The following KIAA1217 variants were observed in gnomAD, a reference collection of about 807,000 sequenced individuals.
KIAA1217 encodes the protein sickle tail protein homolog.
Under a neutral mutation model 163.9 loss-of-function variants are expected in KIAA1217, and 88 were observed. That is an observed-to-expected ratio of 0.54 (90% CI 0.45 to 0.64). The LOEUF (loss-of-function observed/expected upper bound fraction) is 0.64, where lower values mean the gene tolerates loss of function less well. KIAA1217 is among the 30% of genes least tolerant of loss of function. The pLI, the probability that KIAA1217 is intolerant of heterozygous loss-of-function variation, is 0.00. For missense variants in KIAA1217, 2,372 were observed against 2,475.0 expected (o/e 0.96, Z 0.88); for synonymous variants, 903 against 923.1 (o/e 0.98, Z 0.39).
intron 1 of KIAA1217, among the ~76,000 whole-genome samples, chr10:23,885,943 GTTAT>G (rs1303590435): frequency 6.6e-6 from 1 of 151,880 alleles, no homozygotes; most frequent in Admixed American, 6.6e-5. Flanking sequence ...TGTTTAGTGG[GTTAT>G]TTGTGGTGCC....
At chr10:23,822,244 T>G (rs1160596687) in intron 1 of KIAA1217, among the ~76,000 whole-genome samples, 1 of 152,200 alleles carries the variant, frequency 6.6e-6, no homozygotes, top group Non-Finnish European at 1.5e-5. Flanking sequence ...CAGTTTCTGT[T>G]TTCAACTCAT....
intron 1 of KIAA1217, among the ~76,000 whole-genome samples, chr10:24,210,737 C>T (rs192887820): frequency 2.9e-3 from 440 of 152,238 alleles, no homozygotes; most frequent in African/African-American, 0.01. Flanking sequence ...GCCAGACATC[C>T]AGTGGTGAAC....
At chr10:23,813,727 C>A (rs1055149115) in intron 1 of KIAA1217, among the ~76,000 whole-genome samples, 2 of 152,148 alleles carry the variant, frequency 1.3e-5, no homozygotes, top group Admixed American at 1.3e-4. Flanking sequence ...AAGTCTATCC[C>A]TAGAATGGGT....
rs554851345 is a variant in KIAA1217, at chr10:23,796,205, G to A, written c.-321+100971G>A. ...GTTAGGAAAGATGCCTAGAAAGCCA[G>A]GATGTCTGGGTTCTGAGAGTCTTGA... On this transcript the variant is annotated intron_variant, in intron 1 of 18. Coordinates refer to the KIAA1217 transcript ENST00000376462. Among the ~76,000 whole-genome samples, 291 of 152,274 alleles carry A rather than the reference G, an allele frequency of 1.9e-3. 2 individuals are homozygous for A. Among genetic ancestry groups the A allele is most frequent in the African/African-American group, 6.8e-3 (283 of 41,554 alleles).
At chr10:23,858,781 C>T (rs896552454) in intron 1 of KIAA1217, among the ~76,000 whole-genome samples, 2 of 152,084 alleles carry the variant, frequency 1.3e-5, no homozygotes, top group Non-Finnish European at 2.9e-5. Context: ...GGCGTGGTGC[C>T]CTTTCAAGTC....
At chr10:24,206,379 A>C (rs1005578466), upstream of KIAA1217, among the ~76,000 whole-genome samples, 2 of 152,230 alleles carry the variant, frequency 1.3e-5, no homozygotes, top group Non-Finnish European at 2.9e-5. Context: ...GAACATCTCC[A>C]CAGTAACAGC....
rs150743018 is a variant in KIAA1217 at position 24,291,316 on chromosome 10, G to A, written c.354+71407G>A. On this transcript the variant is annotated intron_variant, in intron 2 of 20. Transcript: ENST00000376454. Reference sequence around the variant, plus strand: ...GGCTGAGGCGGGCGGATCACCTGAGGTCAGGAATTCCAGACCAGCCTGGCC... The same window carrying A: ...GGCTGAGGCGGGCGGATCACCTGAGATCAGGAATTCCAGACCAGCCTGGCC... Among the ~76,000 whole-genome samples the A allele has an allele frequency of 2.2e-3, 342 of 152,270 alleles. 4 individuals carry two copies. Among genetic ancestry groups the A allele is most frequent in the African/African-American group, 8.0e-3 (333 of 41,562 alleles).
chr10:24,447,730 T>G (rs548145107), intron 5 of KIAA1217, among the ~76,000 whole-genome samples: 3 of 152,360 alleles, frequency 2.0e-5, no homozygotes, highest in African/African-American at 7.2e-5. Context: ...AGGTACGTGT[T>G]TGAGGCTTAT....
chr10:24,220,937 T>G (rs977805664), intron 2 of KIAA1217, among the ~76,000 whole-genome samples: 6 of 151,996 alleles, frequency 3.9e-5, no homozygotes, highest in Non-Finnish European at 8.8e-5. Context: ...TTTTTATTTT[T>G]GGTAGTAGAG....
chr10:24,323,958 T>G (rs2044523564), intron 2 of KIAA1217, among the ~76,000 whole-genome samples: 1 of 152,112 alleles, frequency 6.6e-6, no homozygotes, highest in African/African-American at 2.4e-5. Flanking sequence ...AATAAAATGT[T>G]ATAAAGTTAA....
In KIAA1217 at chr10:23,912,348, T is replaced by A. The variant is rs544448821; in HGVS notation, c.-320-94877T>A. 1.0e-4 allele frequency among the ~76,000 whole-genome samples: 6 copies of A among 58,956 alleles called. No homozygotes were observed. The South Asian group carries it at 1.2e-3, about 12-fold the overall frequency. 38.7% of individuals were successfully genotyped at this position (58,956 alleles called of 152,430 possible). ...CTCCATTTGTTTATTTTTTTAGAAC[T>A]TTTTTTTTTTGGTTTGGGGTTATAC... On this transcript the variant is annotated intron_variant, in intron 1 of 18. Coordinates refer to the KIAA1217 transcript ENST00000376462.
intron 2 of KIAA1217, among the ~76,000 whole-genome samples, chr10:24,184,819 T>C (rs567078624): frequency 5.9e-5 from 9 of 152,316 alleles, no homozygotes; most frequent in African/African-American, 2.2e-4. Flanking sequence ...TAGGTGGTCA[T>C]TCAAACCAGA....
chr10:24,212,109 A>AGGG lies in KIAA1217; in HGVS notation c.70+2847_70+2848insGGG, dbSNP rs2130691717. 5.7e-5 allele frequency among the ~76,000 whole-genome samples: 8 copies of AGGG among 141,274 alleles called. No individual in the cohort carries two copies. The South Asian group carries it at 1.7e-3, about 31-fold the overall frequency. The allele number at this position is 141,274 out of a possible 152,430, so 92.7% of individuals were successfully genotyped here. A position where few individuals can be genotyped will look rare whatever the true frequency, so the allele number is the denominator to read the frequency against. ...AAGAAAAAAGAAAAAAAAAGAAGAGAGAGGAGGGGAGGAGAGGAGAGGAAA... is the reference window on the plus strand; with the variant it reads ...AAGAAAAAAGAAAAAAAAAGAAGAGAGGGGAGGAGGGGAGGAGAGGAGAGGAAA... On this transcript the variant is annotated intron_variant, in intron 1 of 20. Transcript: ENST00000376454.
At chr10:24,119,527 C>T (rs1468668702) in intron 2 of KIAA1217, among the ~76,000 whole-genome samples, 1 of 152,170 alleles carries the variant, frequency 6.6e-6, no homozygotes, top group Admixed American at 6.5e-5. Flanking sequence ...TTGGGTTGCA[C>T]TATTAGGCTG....
rs191452388 is a variant in KIAA1217, at chr10:24,083,233, C to G, written c.-171+75859C>G. Among the ~76,000 whole-genome samples, 10 of 152,292 alleles carry G rather than the reference C, an allele frequency of 6.6e-5. No homozygotes were observed. In the East Asian group the frequency reaches 1.9e-3, roughly 29 times the overall value. Reference sequence around the variant, plus strand: ...AGGAGCTAAGGGGCCTTCTCAGGGACACTCTGTTGCTGCTGTCTTTTGTGC... The same window carrying G: ...AGGAGCTAAGGGGCCTTCTCAGGGAGACTCTGTTGCTGCTGTCTTTTGTGC... On this transcript the variant is annotated intron_variant, in intron 2 of 18. Transcript: ENST00000376462.
intron 1 of KIAA1217, among the ~76,000 whole-genome samples, chr10:23,774,272 G>T (rs1024313207): frequency 3.9e-5 from 6 of 152,208 alleles, no homozygotes; most frequent in African/African-American, 1.4e-4. Flanking sequence ...GACAAGAAGA[G>T]GTGAAAGGAC....
chr10:23,724,251 A>T (rs1340271279), intron 1 of KIAA1217, among the ~76,000 whole-genome samples: 1 of 150,910 alleles, frequency 6.6e-6, no homozygotes, highest in African/African-American at 2.5e-5. Context: ...TCACCTTGGT[A>T]ACCCTAAACT....
At chr10:24,279,332 A>T (rs2077659612) in intron 2 of KIAA1217, among the ~76,000 whole-genome samples, 1 of 151,462 alleles carries the variant, frequency 6.6e-6, no homozygotes, top group Non-Finnish European at 1.5e-5. Context: ...TGCATAACCC[A>T]AGTCCAGTAG....
chr10:23,769,602 G>A (rs985425874), intron 1 of KIAA1217, among the ~76,000 whole-genome samples: 12 of 152,158 alleles, frequency 7.9e-5, no homozygotes, highest in Non-Finnish European at 1.2e-4. Context: ...TAGTTCAGCC[G>A]ATGTCCAGGA....
Sources: allele counts gnomAD v4.1 joint callset (sites outside exome capture counted in the v4.1 genomes callset), GRCh38; gene constraint gnomAD v4.1.1; transcripts MANE v1.5; gene names NCBI Gene and HGNC (gene_info 2026-07-23, HGNC 2026-07-21).